Variants in NTNG1 observed in about 807,000 individuals in gnomAD.
The protein encoded by NTNG1 is netrin G1.
Under a neutral mutation model 54.0 loss-of-function variants are expected in NTNG1, and 16 were observed. That is an observed-to-expected ratio of 0.30 (90% CI 0.20 to 0.45). NTNG1 has a LOEUF of 0.45. Ranked by LOEUF, NTNG1 falls within the 20% of genes least tolerant of loss-of-function variation. The pLI, the probability that NTNG1 is intolerant of heterozygous loss-of-function variation, is 1.00. For synonymous variants in NTNG1, 255 were observed against 263.1 expected (o/e 0.97, Z 0.30); for missense variants, 530 against 678.7 (o/e 0.78, Z 2.43).
At chr1:107,301,340 AAC>A (rs10598986) in intron 2 of NTNG1, among the ~76,000 whole-genome samples, 63,343 of 151,762 alleles carry the variant, frequency 0.42, 13,328 homozygotes, top group East Asian at 0.49. Context: ...TTCCTGGACA[AAC>A]ACAGAAAGAA....
At position 107,430,893 on chromosome 1, in the gene NTNG1, C is replaced by G. The variant is rs772719758; in HGVS notation, c.1231C>G (p.Leu411Val). The change falls in exon 6 of 8, where the codon CTG (leucine) becomes GTG (valine). Residue 411 changes from leucine to valine, a missense_variant. Transcript: ENST00000370068. ...CTACTTCAGAAATGCTTCTGCACAA[C>G]TGGACGATGAGAATGTGTGCATAGG... ...LGYFRNASAQ[L>V]DDENVCIECY... The G allele has an allele frequency of 5.6e-6, 9 of 1,613,102 alleles. No homozygotes were observed. Among genetic ancestry groups the G allele is most frequent in the Admixed American group, 1.7e-5 (1 of 59,880 alleles).
In NTNG1 at chr1:107,474,354, C is replaced by T. The variant is rs72989727; in HGVS notation, c.1391-6257C>T. On this transcript the variant is annotated intron_variant, in intron 7 of 7. Coordinates refer to ENST00000370068, the MANE Select transcript of NTNG1 (RefSeq NM_001113226.3). ...AAAAAGTGTGATCACTGAAAGATGC[C>T]TGTTGGGTAGAAATTTTCACTTGGA... Among the ~76,000 whole-genome samples, 906 of 152,238 alleles carry T rather than the reference C, an allele frequency of 6.0e-3. 7 individuals carry two copies. Among genetic ancestry groups the T allele is most frequent in the African/African-American group, 0.02 (837 of 41,532 alleles).
At chr1:107,358,949 C>T (rs1253503466) in intron 3 of NTNG1, among the ~76,000 whole-genome samples, 3 of 152,182 alleles carry the variant, frequency 2.0e-5, no homozygotes, top group South Asian at 4.1e-4. Context: ...TTATGGCCAA[C>T]TGCTACAAGG....
In NTNG1 at chr1:107,141,157, G is replaced by T. The variant is rs907829222; in HGVS notation, c.-526+17G>T. The T allele has an allele frequency of 6.6e-6, 1 of 152,300 alleles. No homozygotes were observed. The highest frequency in any genetic ancestry group is 1.5e-5 in the Non-Finnish European group (1 of 67,970). The allele number at this position is 152,300 out of a possible 1,614,324, so 9.4% of individuals were successfully genotyped here. ...GAGGCGAAGGTAATTAAGCGGCGGG[G>T]AGTGGCGGGCCGGCGCTGGGTTCTC... On this transcript the variant is annotated intron_variant, in intron 1 of 7. Coordinates refer to ENST00000370068, the MANE Select transcript of NTNG1 (RefSeq NM_001113226.3).
At chr1:107,164,193 G>A (rs532830298) in intron 2 of NTNG1, among the ~76,000 whole-genome samples, 103 of 152,338 alleles carry the variant, frequency 6.8e-4, no homozygotes, top group African/African-American at 2.4e-3. Flanking sequence ...TGTGGCTTGA[G>A]GAGGGGAGAG....
intron 7 of NTNG1, among the ~76,000 whole-genome samples, chr1:107,448,297 A>G (rs1413268716): frequency 6.6e-6 from 1 of 152,112 alleles, no homozygotes; most frequent in Admixed American, 6.6e-5. Context: ...CTTGTCATGT[A>G]CCAGGCACTA....
chr1:107,177,757 G>A (rs1350177586), intron 2 of NTNG1, among the ~76,000 whole-genome samples: 1 of 152,182 alleles, frequency 6.6e-6, no homozygotes, highest in African/African-American at 2.4e-5. Context: ...CTGTTTTCAA[G>A]ATGAAGTTTT....
chr1:107,167,979 A>G (rs887753424), intron 2 of NTNG1, among the ~76,000 whole-genome samples: 2 of 152,112 alleles, frequency 1.3e-5, no homozygotes, highest in South Asian at 4.1e-4. Context: ...TGGGCACTAC[A>G]GGATGGAAGG....
At chr1:107,336,532 C>A (rs1668589450) in intron 3 of NTNG1, among the ~76,000 whole-genome samples, 1 of 151,620 alleles carries the variant, frequency 6.6e-6, no homozygotes. Flanking sequence ...TAGAAAAAAA[C>A]AAAGGAAGAA....
At chr1:107,181,080 G>A (rs988087951) in intron 2 of NTNG1, among the ~76,000 whole-genome samples, 4 of 152,056 alleles carry the variant, frequency 2.6e-5, no homozygotes, top group African/African-American at 9.7e-5. Flanking sequence ...TAAATATTTT[G>A]GTGAAAAATA....
intron 2 of NTNG1, among the ~76,000 whole-genome samples, chr1:107,194,634 A>G (rs1658192404): frequency 6.6e-6 from 1 of 152,068 alleles, no homozygotes. Flanking sequence ...AATAGCATCC[A>G]TCTGTAATGT....
At chr1:107,456,376 T>A (rs770846745) in intron 7 of NTNG1, among the ~76,000 whole-genome samples, 3 of 152,182 alleles carry the variant, frequency 2.0e-5, no homozygotes, top group South Asian at 2.1e-4. Context: ...TTTAATCTTT[T>A]GAAGAGAGAG....
chr1:107,191,185 G>A (rs1253607854), intron 2 of NTNG1, among the ~76,000 whole-genome samples: 3 of 152,154 alleles, frequency 2.0e-5, no homozygotes, highest in Non-Finnish European at 4.4e-5. Flanking sequence ...CAGTGATGAT[G>A]AGCATTTTTT....
chr1:107,353,099 A>G (rs1669725783), intron 3 of NTNG1, among the ~76,000 whole-genome samples: 1 of 152,240 alleles, frequency 6.6e-6, no homozygotes, highest in Admixed American at 6.5e-5. Context: ...CATTTGCATA[A>G]GTAAATTAAC....
At chr1:107,316,239 G>C (rs1667330417) in intron 2 of NTNG1, among the ~76,000 whole-genome samples, 1 of 152,122 alleles carries the variant, frequency 6.6e-6, no homozygotes, top group Non-Finnish European at 1.5e-5. Context: ...CGGTGTTCCA[G>C]GTGCTATCTT....
intron 7 of NTNG1, among the ~76,000 whole-genome samples, chr1:107,451,862 C>T (rs565402709): frequency 1.4e-4 from 21 of 152,214 alleles, no homozygotes; most frequent in African/African-American, 3.6e-4. Flanking sequence ...TGTAGTAAAA[C>T]GTGAAATCGT....
At chr1:107,191,161 A>T (rs138575544) in intron 2 of NTNG1, among the ~76,000 whole-genome samples, 40 of 149,596 alleles carry the variant, frequency 2.7e-4, no homozygotes, top group Non-Finnish European at 4.2e-4. Context: ...TTTGATTTGC[A>T]TTTCTCTGAT....
intron 2 of NTNG1, among the ~76,000 whole-genome samples, chr1:107,182,919 A>G (rs905430641): frequency 6.6e-6 from 1 of 152,190 alleles, no homozygotes; most frequent in Admixed American, 6.6e-5. Flanking sequence ...TCATGGATCA[A>G]TCACAACATC....
At chr1:107,344,591 T>A (rs1284982829) in intron 3 of NTNG1, among the ~76,000 whole-genome samples, 2 of 152,200 alleles carry the variant, frequency 1.3e-5, no homozygotes, top group Admixed American at 1.3e-4. Flanking sequence ...TTTTAATTTT[T>A]TTCAAGTCTA....
Sources: allele counts gnomAD v4.1 joint callset (sites outside exome capture counted in the v4.1 genomes callset), GRCh38; gene constraint gnomAD v4.1.1; transcripts MANE v1.5; gene names NCBI Gene and HGNC (gene_info 2026-07-23, HGNC 2026-07-21).